Variants in TENM4 observed in about 807,000 individuals in gnomAD.
The protein encoded by TENM4 is teneurin transmembrane protein 4.
Under a neutral mutation model 243.3 loss-of-function variants are expected in TENM4, and 82 were observed. That is an observed-to-expected ratio of 0.34 (90% CI 0.28 to 0.40). The LOEUF (loss-of-function observed/expected upper bound fraction) is 0.40, where lower values mean the gene tolerates loss of function less well. Among genes scored for constraint, TENM4 ranks in the 10% least tolerant of loss-of-function variants. TENM4 has a pLI of 1.00. For synonymous variants in TENM4, 1,412 were observed against 1,456.3 expected, an observed-to-expected ratio of 0.97 and a Z score of 0.69; for missense variants, 3,138 against 3,673.3, an observed-to-expected ratio of 0.85 and a Z score of 3.77.
intron 3 of TENM4, among the ~76,000 whole-genome samples, chr11:79,183,913 A>T (rs1863335108): frequency 6.6e-6 from 1 of 152,232 alleles, no homozygotes; most frequent in African/African-American, 2.4e-5. Flanking sequence ...GTGGGAATGT[A>T]AAATAGTGTT....
chr11:78,727,213 C>T (rs1403398991), intron 22 of TENM4, among the ~76,000 whole-genome samples: 4 of 152,142 alleles, frequency 2.6e-5, no homozygotes, highest in Non-Finnish European at 5.9e-5. Flanking sequence ...CTTTGGGAGG[C>T]CGAGGCGGGC....
At chr11:79,275,621 GA>G (rs1856042770) in intron 2 of TENM4, among the ~76,000 whole-genome samples, 1 of 152,208 alleles carries the variant, frequency 6.6e-6, no homozygotes, top group African/African-American at 2.4e-5. Flanking sequence ...CTCCAAGATA[GA>G]AAAAGGAAGA....
intron 6 of TENM4, among the ~76,000 whole-genome samples, chr11:78,999,237 G>A (rs1858254494): frequency 6.6e-6 from 1 of 152,214 alleles, no homozygotes; most frequent in South Asian, 2.1e-4. Flanking sequence ...CAATGGGCTG[G>A]GCGGGGTGGC....
intron 1 of TENM4, among the ~76,000 whole-genome samples, chr11:79,346,499 C>T (rs1857328903): frequency 6.6e-6 from 1 of 152,122 alleles, no homozygotes; most frequent in Admixed American, 6.5e-5. Flanking sequence ...ATTGAAACTG[C>T]TGCTTCAACC....
chr11:79,089,288 C>A (rs554562126), intron 4 of TENM4, among the ~76,000 whole-genome samples: 92 of 152,310 alleles, frequency 6.0e-4, no homozygotes, highest in African/African-American at 2.1e-3. Flanking sequence ...TGGAAACTGG[C>A]CCTTTTTGCC....
chr11:79,435,526 A>G (rs1483785961), intron 1 of TENM4, among the ~76,000 whole-genome samples: 1 of 152,316 alleles, frequency 6.6e-6, no homozygotes, highest in African/African-American at 2.4e-5. Context: ...TTACCCTGCT[A>G]GGCTCTTGGA....
intron 1 of TENM4, among the ~76,000 whole-genome samples, chr11:79,355,726 T>C (rs750525602): frequency 3.3e-5 from 5 of 152,122 alleles, no homozygotes; most frequent in African/African-American, 4.8e-5. Flanking sequence ...GTGAGACACA[T>C]GTCACAGCCT....
At chr11:78,786,673 A>G (rs1856941925) in intron 16 of TENM4, among the ~76,000 whole-genome samples, 1 of 152,244 alleles carries the variant, frequency 6.6e-6, no homozygotes, top group Non-Finnish European at 1.5e-5. Context: ...CCAGCTAACC[A>G]GGACATGGGA....
intron 6 of TENM4, among the ~76,000 whole-genome samples, chr11:78,952,057 A>G (rs1361558755): frequency 6.6e-6 from 1 of 151,872 alleles, no homozygotes; most frequent in Non-Finnish European, 1.5e-5. Flanking sequence ...TTCAGGGCAA[A>G]CTGTTTAGTG....
At chr11:79,383,361 A>AGGTTTGGTT (rs1858046406) in intron 1 of TENM4, among the ~76,000 whole-genome samples, 1 of 152,214 alleles carries the variant, frequency 6.6e-6, no homozygotes, top group Non-Finnish European at 1.5e-5. Context: ...TTCCACCCCC[A>AGGTTTGGTT]GGTGCCCTCA....
At position 78,701,683 on chromosome 11, in the gene TENM4, C is replaced by A; in HGVS notation, c.4930G>T (p.Val1644Phe). The A allele has an allele frequency of 1.2e-6, 2 of 1,613,936 alleles. No homozygotes were observed. Among genetic ancestry groups the A allele is most frequent in the South Asian group, 2.2e-5 (2 of 91,060 alleles). ...ACCCAGTACACCTGGCCATCTGGGA[C>A]CACCAGCCAGAGGGGCATCCCAGTA... ...DSTGMPLWLV[V>F]PDGQVYWVTM... Residue 1644 changes from valine to phenylalanine, a missense_variant, in exon 28 of 34, where the codon GTC (valine) becomes TTC (phenylalanine). By Grantham distance (50) the Val-to-Phe change is conservative. This residue lies in a region of TENM4 where 2,467 missense variants were observed against 3,059.1 expected (regional missense o/e 0.81). Coordinates refer to ENST00000278550, the MANE Select transcript of TENM4 (RefSeq NM_001098816.3).
At chr11:79,283,584 A>T (rs1856197302) in intron 2 of TENM4, among the ~76,000 whole-genome samples, 1 of 152,208 alleles carries the variant, frequency 6.6e-6, no homozygotes, top group Non-Finnish European at 1.5e-5. Context: ...GGTCATCTAC[A>T]AAAAACTCAC....
intron 28 of TENM4, among the ~76,000 whole-genome samples, chr11:78,693,828 A>G (rs1858888726): frequency 6.6e-6 from 1 of 152,218 alleles, no homozygotes; most frequent in African/African-American, 2.4e-5. Context: ...AGCCTGGCCA[A>G]CATGGTGAAA....
At chr11:79,184,755 A>T (rs919915142) in intron 3 of TENM4, among the ~76,000 whole-genome samples, 1 of 152,194 alleles carries the variant, frequency 6.6e-6, no homozygotes, top group Non-Finnish European at 1.5e-5. Flanking sequence ...ATGGGCATAG[A>T]GTTTCAGTTT....
rs779068770 is a variant in TENM4, at chr11:78,903,280, G to A, written c.737C>T (p.Pro246Leu). ...ACCGGCCGCGCACCTGGTCTCCAGG[G>A]GGATGTTGCTGTTGAGCAGCCAGTT... ...QENWLLNSNI[P>L]LETRNLGKQP... Residue 246 changes from proline (P) to leucine (L), a missense_variant, in exon 7 of 34, where the codon CCC becomes CTC. Transcript: ENST00000278550. 6.7e-7 allele frequency: 1 copy of A among 1,491,432 alleles called. No individual in the cohort carries two copies. The highest frequency in any genetic ancestry group is 2.7e-5 in the East Asian group (1 of 37,582). 92.4% of individuals were successfully genotyped at this position (1,491,432 alleles called of 1,614,324 possible).
In TENM4 at chr11:79,194,020, G is replaced by A. The variant is rs1025675208; in HGVS notation, c.-163+21788C>T. ...CCCACCTGTTGTGGGAGGGACTCAG[G>A]GGGAGGTAATTGAATCATGGGGGCC... On this transcript the variant is annotated intron_variant, in intron 3 of 33. Coordinates refer to ENST00000278550, the MANE Select transcript of TENM4 (RefSeq NM_001098816.3). Among the ~76,000 whole-genome samples the A allele has an allele frequency of 7.2e-5, 11 of 152,018 alleles. 1 individual carries two copies. The highest frequency in any genetic ancestry group is 2.4e-4 in the African/African-American group (10 of 41,386).
At chr11:78,724,237 A>G (rs546394754) in intron 23 of TENM4, among the ~76,000 whole-genome samples, 307 of 152,180 alleles carry the variant, frequency 2.0e-3, no homozygotes, top group Middle Eastern at 3.4e-3. Flanking sequence ...AGCATGTGCA[A>G]CCACACCCAG....
intron 6 of TENM4, among the ~76,000 whole-genome samples, chr11:78,915,495 AG>A (rs1856294462): frequency 1.3e-5 from 2 of 152,260 alleles, no homozygotes. Flanking sequence ...CTGATTCTCG[AG>A]GGGCCTGGGG....
intron 4 of TENM4, chr11:79,093,217 C>G (rs1861001281): frequency 6.6e-6 from 1 of 152,228 alleles, no homozygotes; most frequent in Non-Finnish European, 1.5e-5. Context: ...ACTCAACTTC[C>G]CAGCCTCCCT....
Sources: allele counts gnomAD v4.1 joint callset (sites outside exome capture counted in the v4.1 genomes callset), GRCh38; gene constraint gnomAD v4.1.1; regional missense constraint gnomAD v4.1.1; transcripts MANE v1.5; gene names NCBI Gene and HGNC (gene_info 2026-07-23, HGNC 2026-07-21).